Variants in SLITRK5 observed in about 807,000 individuals in gnomAD.
SLITRK5 encodes the protein SLIT and NTRK-like protein 5.
SLITRK5 carries 23 observed loss-of-function variants against 56.2 expected under a neutral mutation model. The observed-to-expected ratio is 0.41, with a 90% CI of 0.29 to 0.58. The LOEUF (loss-of-function observed/expected upper bound fraction) is 0.58. Among genes scored for constraint, SLITRK5 ranks in the 20% least tolerant of loss-of-function variants. SLITRK5 has a pLI of 0.30. For missense variants in SLITRK5, 1,289 were observed against 1,226.6 expected, an observed-to-expected ratio of 1.05 and a Z score of -0.76; for synonymous variants, 637 against 531.8, an observed-to-expected ratio of 1.20 and a Z score of -2.72.
rs528651256 is a variant in SLITRK5 at position 87,671,419 on chromosome 13, C to T, written c.-799C>T. On this transcript the variant is annotated 5_prime_UTR_variant, in exon 1 of 2. Coordinates refer to ENST00000683689, the MANE Select transcript of SLITRK5 (RefSeq NM_001384609.1). ...GCCCATCATGTCTGCTGCAGCTTGG[C>T]TCGCACCAGAGGCGCGACAATAAAC... Among the ~76,000 whole-genome samples, 34 of 152,206 alleles carry T rather than the reference C, an allele frequency of 2.2e-4. No homozygotes were observed. Among genetic ancestry groups the T allele is most frequent in the African/African-American group, 7.9e-4 (33 of 41,562 alleles).
rs1180098066 is a variant in SLITRK5, at chr13:87,671,378, G to T, written c.-840G>T. On this transcript the variant is annotated 5_prime_UTR_variant, in exon 1 of 2. Coordinates refer to ENST00000683689, the MANE Select transcript of SLITRK5 (RefSeq NM_001384609.1). ...GGCTGCCATCTATCGGCCACCGAGC[G>T]CCCGCTTCGCCCCGGGCCCATCATG... 1 of 152,250 alleles carries T rather than the reference G, an allele frequency of 6.6e-6. No individual in the cohort carries two copies. Among genetic ancestry groups the T allele is most frequent in the African/African-American group, 2.4e-5 (1 of 41,430 alleles). The allele number at this position is 152,250 out of a possible 1,614,324, so 9.4% of individuals were successfully genotyped here. A position where few individuals can be genotyped will look rare whatever the true frequency, so the allele number is the denominator to read the frequency against.
At chr13:87,673,512 AG>A (rs1593970607) in intron 1 of SLITRK5, 1 of 1,112,234 alleles carries the variant, frequency 9.0e-7, no homozygotes. Flanking sequence ...AGGGAGGGGG[AG>A]GGGACCCAAC....
rs750796310 is a variant in SLITRK5 at position 87,675,382 on chromosome 13, A to T, written c.-7A>T. On this transcript the variant is annotated splice_region_variant and 5_prime_UTR_variant, in exon 2 of 2. Coordinates refer to ENST00000683689, the MANE Select transcript of SLITRK5 (RefSeq NM_001384609.1). ...CCTTGTTTTCTCTCTCCCTTACAGG[A>T]GGTAAAATGCACACTTGCTGCCCCC... 6 of 1,610,518 alleles carry T rather than the reference A, an allele frequency of 3.7e-6. No individual in the cohort carries two copies. Among genetic ancestry groups the T allele is most frequent in the Non-Finnish European group, 4.2e-6 (5 of 1,176,940 alleles).
Position 87,675,605 on chromosome 13 carries a change from C to G in SLITRK5, c.217C>G (p.Leu73Val). 1 of 1,614,190 alleles carries G rather than the reference C, an allele frequency of 6.2e-7. No homozygotes were observed. Among genetic ancestry groups the G allele is most frequent in the Non-Finnish European group, 8.5e-7 (1 of 1,180,036 alleles). ...CTGTGAAAACCGGGGGATCATCAGT[C>G]TCTCTGAAATTAGCCCTCCCCGTTT... The part of the protein sequence containing the change: ...VSCENRGIIS[L>V]SEISPPRFPI... The change falls in exon 2 of 2, where the codon CTC becomes GTC. Residue 73 changes from leucine to valine, a missense_variant. By Grantham distance (32) the Leu-to-Val change is conservative. Coordinates refer to ENST00000683689, the MANE Select transcript of SLITRK5 (RefSeq NM_001384609.1).
chr13:87,676,928 A>G lies in SLITRK5; in HGVS notation c.1540A>G (p.Asn514Asp). The G allele has an allele frequency of 6.2e-7, 1 of 1,614,166 alleles. No individual in the cohort carries two copies. Among genetic ancestry groups the G allele is most frequent in the Non-Finnish European group, 8.5e-7 (1 of 1,180,024 alleles). The change falls in exon 2 of 2, where the codon AAC becomes GAC. Residue 514 changes from asparagine to aspartate, a missense_variant. By Grantham distance (23) the Asn-to-Asp change is conservative. Coordinates refer to ENST00000683689, the MANE Select transcript of SLITRK5 (RefSeq NM_001384609.1). ...VPNLQLLFLN[N>D]NLLQAMPSGV... is the part of the protein sequence containing the mutation. ...AAACCTCCAGCTGCTATTCTTGAAT[A>G]ACAACCTCCTGCAGGCCATGCCCTC...
rs1210780516 is a variant in SLITRK5, at chr13:87,679,439, A to G, written c.*1174A>G. 6.0e-6 allele frequency: 1 copy of G among 167,028 alleles called. No individual in the cohort carries two copies. The highest frequency in any genetic ancestry group is 1.5e-5 in the Non-Finnish European group (1 of 68,096). 10.3% of individuals were successfully genotyped at this position (167,028 alleles called of 1,614,324 possible). Reference sequence around the variant, plus strand: ...GTGTACTGGCACCTCAGAAGACCAAATCATGGACTGTACAAGTCTCTATAC... The same window carrying G: ...GTGTACTGGCACCTCAGAAGACCAAGTCATGGACTGTACAAGTCTCTATAC... On this transcript the variant is annotated 3_prime_UTR_variant, in exon 2 of 2. Coordinates refer to ENST00000683689, the MANE Select transcript of SLITRK5 (RefSeq NM_001384609.1).
Position 87,677,185 on chromosome 13 carries a change from T to G in SLITRK5, c.1797T>G (p.Ala599=), listed in dbSNP as rs1877314618. ...EVICKAPKKF[A]ETDMRSIKSE... is the part of the protein sequence containing the mutation. ...TCTGTAAGGCGCCCAAAAAATTCGCTGAGACCGACATGCGCTCCATTAAGT... is the reference window on the plus strand; with the variant it reads ...TCTGTAAGGCGCCCAAAAAATTCGCGGAGACCGACATGCGCTCCATTAAGT... The change falls in exon 2 of 2, where the codon GCT becomes GCG. Residue 599 remains alanine (A), a synonymous_variant. Transcript: ENST00000683689. This position sits in a 1 kb window ranked among gnomAD's most constrained non-coding sequence, Gnocchi z 4.7. The G allele has an allele frequency of 6.2e-7, 1 of 1,614,066 alleles. No individual in the cohort carries two copies. Among genetic ancestry groups the G allele is most frequent in the Admixed American group, 1.7e-5 (1 of 59,998 alleles).
Position 87,676,243 on chromosome 13 carries a change from A to G in SLITRK5, c.855A>G (p.Pro285=), listed in dbSNP as rs1877268621. 1.2e-6 allele frequency: 2 copies of G among 1,614,094 alleles called. No homozygotes were observed. The highest frequency in any genetic ancestry group is 1.1e-5 in the South Asian group (1 of 91,086). The part of the protein sequence containing the change: ...LDEVSKQELC[P]RRLISDYEMR... ...AGGTATCCAAGCAGGAACTTTGCCC[A>G]AGGAGACTTATTTCTGACTACGAGA... The change falls in exon 2 of 2, where the codon CCA becomes CCG. Residue 285 remains proline, a synonymous_variant. Transcript: ENST00000683689.
chr13:87,677,244 T>C lies in SLITRK5; in HGVS notation c.1856T>C (p.Val619Ala). Residue 619 changes from valine to alanine, a missense_variant, in exon 2 of 2, where the codon GTA becomes GCA. This residue lies in a region of SLITRK5 where 985 missense variants were observed against 906.0 expected (regional missense o/e 1.09). Transcript: ENST00000683689. This position sits in a 1 kb window ranked among gnomAD's most constrained non-coding sequence, Gnocchi z 4.7. ...ELLCPDYSDV[V>A]VSTPTPSSIQ... is the part of the protein sequence containing the mutation. ...CTGTGCCCTGACTATTCAGATGTAG[T>C]AGTTTCCACGCCCACACCCTCCTCT... The C allele has an allele frequency of 1.9e-6, 3 of 1,614,140 alleles. No homozygotes were observed. The highest frequency in any genetic ancestry group is 2.2e-5 in the South Asian group (2 of 91,084).
In SLITRK5 at chr13:87,676,815, T is replaced by C. The variant is rs1877298369; in HGVS notation, c.1427T>C (p.Leu476Ser). 1 of 1,613,972 alleles carries C rather than the reference T, an allele frequency of 6.2e-7. No homozygotes were observed. The highest frequency in any genetic ancestry group is 8.5e-7 in the Non-Finnish European group (1 of 1,180,018). The change falls in exon 2 of 2, where the codon TTA (leucine) becomes TCA (serine). Residue 476 changes from leucine to serine, a missense_variant. By Grantham distance (145) the Leu-to-Ser change is moderately radical. Around this residue, in one of 3 missense-constraint regions of SLITRK5, gnomAD observed 985 missense variants for 906.0 expected, o/e 1.09. Transcript: ENST00000683689. ...AGGATCGAGAGGCTGAGCCCGGAGT[T>C]ATTCTATGGCCTGCAGAGCCTGCAG... Reference protein sequence around the residue: ...GNRIERLSPELFYGLQSLQYL... With the variant: ...GNRIERLSPESFYGLQSLQYL...
chr13:87,676,179 G>T lies in SLITRK5; in HGVS notation c.791G>T (p.Cys264Phe), dbSNP rs1877265631. The T allele has an allele frequency of 6.2e-7, 1 of 1,614,012 alleles. No individual in the cohort carries two copies. Among genetic ancestry groups the T allele is most frequent in the African/African-American group, 1.3e-5 (1 of 74,904 alleles). The stretch of plus-strand genomic sequence containing the variant: ...TCAGCCCTGGTGGGGGATGTAGTTT[G>T]TGAGACCCCCTTCCGCTTACACGGA... ...SYSALVGDVV[C>F]ETPFRLHGRD... The change falls in exon 2 of 2, where the codon TGT (cysteine) becomes TTT (phenylalanine). Residue 264 changes from cysteine (C) to phenylalanine (F), a missense_variant. Transcript: ENST00000683689.
Position 87,676,911 on chromosome 13 carries a change from A to G in SLITRK5, c.1523A>G (p.Gln508Arg). The change falls in exon 2 of 2, where the codon CAG becomes CGG. Residue 508 changes from glutamine to arginine, a missense_variant. This residue lies in a region of SLITRK5 where 985 missense variants were observed against 906.0 expected (regional missense o/e 1.09). Coordinates refer to ENST00000683689, the MANE Select transcript of SLITRK5 (RefSeq NM_001384609.1). Reference sequence around the variant, plus strand: ...ACTTTTGACCCGGTCCCAAACCTCCAGCTGCTATTCTTGAATAACAACCTC... The same window carrying G: ...ACTTTTGACCCGGTCCCAAACCTCCGGCTGCTATTCTTGAATAACAACCTC... ...SGTFDPVPNLQLLFLNNNLLQ... is the reference protein window; with the variant it reads ...SGTFDPVPNLRLLFLNNNLLQ... 1.2e-6 allele frequency: 2 copies of G among 1,614,108 alleles called. No individual in the cohort carries two copies. The highest frequency in any genetic ancestry group is 1.7e-6 in the Non-Finnish European group (2 of 1,180,010).
Position 87,676,703 on chromosome 13 carries a change from C to T in SLITRK5, c.1315C>T (p.His439Tyr). The T allele has an allele frequency of 6.2e-7, 1 of 1,614,088 alleles. No individual in the cohort carries two copies. The highest frequency in any genetic ancestry group is 8.5e-7 in the Non-Finnish European group (1 of 1,180,030). The change falls in exon 2 of 2, where the codon CAC (histidine) becomes TAC (tyrosine). Residue 439 changes from histidine (H) to tyrosine (Y), a missense_variant. His to Tyr is a moderately conservative substitution (Grantham distance 83). Transcript: ENST00000683689. ...FLEATGLDLL[H>Y]LGNNRISMIQ... Reference sequence around the variant, plus strand: ...GGAGGCCACGGGGCTGGACCTCCTGCACCTGGGGAATAACCGCATCTCGAT... The same window carrying T: ...GGAGGCCACGGGGCTGGACCTCCTGTACCTGGGGAATAACCGCATCTCGAT...
chr13:87,677,680 C>G lies in SLITRK5; in HGVS notation c.2292C>G (p.Ile764Met). Residue 764 changes from isoleucine (I) to methionine (M), a missense_variant, in exon 2 of 2, where the codon ATC becomes ATG. Physicochemically the swap from Ile to Met is conservative, Grantham distance 10. This residue lies in a region of SLITRK5 where 985 missense variants were observed against 906.0 expected (regional missense o/e 1.09). Coordinates refer to ENST00000683689, the MANE Select transcript of SLITRK5 (RefSeq NM_001384609.1). The surrounding 1 kb of genome is among the most constrained non-coding windows in gnomAD (Gnocchi z 4.7). Reference protein sequence around the residue: ...HPLGHMCKNPIYRSREGNSVE... With the variant: ...HPLGHMCKNPMYRSREGNSVE... ...TGGGCCACATGTGCAAAAACCCCAT[C>G]TACCGCTCCCGAGAGGGCAACTCCG... The G allele has an allele frequency of 6.2e-7, 1 of 1,605,994 alleles. No individual in the cohort carries two copies. Among genetic ancestry groups the G allele is most frequent in the Non-Finnish European group, 8.5e-7 (1 of 1,173,700 alleles).
At chr13:87,673,263 C>G (rs1877123865) in intron 1 of SLITRK5, among the ~76,000 whole-genome samples, 1 of 150,642 alleles carries the variant, frequency 6.6e-6, no homozygotes, top group Non-Finnish European at 1.5e-5. Context: ...ATCGGAGGTG[C>G]GTTTCCCCGT....
Position 87,675,432 on chromosome 13 carries a change from A to G in SLITRK5, c.44A>G (p.His15Arg). 6.2e-7 allele frequency: 1 copy of G among 1,614,210 alleles called. No homozygotes were observed. The highest frequency in any genetic ancestry group is 8.5e-7 in the Non-Finnish European group (1 of 1,180,034). Reference sequence around the variant, plus strand: ...CCAGTAACTTTGGAACAGGACCTTCACAGAAAAATGCATAGCTGGATGCTG... The same window carrying G: ...CCAGTAACTTTGGAACAGGACCTTCGCAGAAAAATGCATAGCTGGATGCTG... ...CPPVTLEQDLHRKMHSWMLQT... is the reference protein window; with the variant it reads ...CPPVTLEQDLRRKMHSWMLQT... The change falls in exon 2 of 2, where the codon CAC becomes CGC. Residue 15 changes from histidine (H) to arginine (R), a missense_variant. His to Arg is a conservative substitution (Grantham distance 29). Coordinates refer to ENST00000683689, the MANE Select transcript of SLITRK5 (RefSeq NM_001384609.1).
chr13:87,674,462 A>C, intron 1 of SLITRK5: 2 of 957,868 alleles, frequency 2.1e-6, no homozygotes, highest in Non-Finnish European at 2.5e-6. Flanking sequence ...AGCGGTAGGA[A>C]CGTCCTTTTT....
At position 87,676,253 on chromosome 13, in the gene SLITRK5, A is replaced by G; in HGVS notation, c.865A>G (p.Ile289Val). 6.2e-7 allele frequency: 1 copy of G among 1,614,022 alleles called. No homozygotes were observed. The highest frequency in any genetic ancestry group is 8.5e-7 in the Non-Finnish European group (1 of 1,180,008). ...GCAGGAACTTTGCCCAAGGAGACTT[A>G]TTTCTGACTACGAGATGAGGCCGCA... ...SKQELCPRRL[I>V]SDYEMRPQTP... Residue 289 changes from isoleucine (I) to valine (V), a missense_variant, in exon 2 of 2, where the codon ATT becomes GTT. Coordinates refer to ENST00000683689, the MANE Select transcript of SLITRK5 (RefSeq NM_001384609.1).
In SLITRK5 at chr13:87,677,276, G is replaced by A. The variant is rs766894558; in HGVS notation, c.1888G>A (p.Val630Ile). The change falls in exon 2 of 2, where the codon GTC (valine) becomes ATC (isoleucine). Residue 630 changes from valine to isoleucine, a missense_variant. Physicochemically the swap from Val to Ile is conservative, Grantham distance 29. Transcript: ENST00000683689. This position sits in a 1 kb window ranked among gnomAD's most constrained non-coding sequence, Gnocchi z 4.7. ...VSTPTPSSIQVPARTSAVTPA... is the reference protein window; with the variant it reads ...VSTPTPSSIQIPARTSAVTPA... ...CACGCCCACACCCTCCTCTATCCAG[G>A]TCCCTGCGAGGACCAGCGCCGTGAC... The A allele has an allele frequency of 2.5e-6, 4 of 1,614,010 alleles. No homozygotes were observed. The highest frequency in any genetic ancestry group is 1.6e-4 in the Middle Eastern group (1 of 6,084).
Sources: allele counts gnomAD v4.1 joint callset (sites outside exome capture counted in the v4.1 genomes callset), GRCh38; gene constraint gnomAD v4.1.1; regional missense constraint gnomAD v4.1.1; non-coding constraint Gnocchi (gnomAD v3.1); transcripts MANE v1.5; gene names NCBI Gene and HGNC (gene_info 2026-07-23, HGNC 2026-07-21).